Variants in DPY19L3 observed in about 807,000 individuals in gnomAD.
DPY19L3 encodes protein C-mannosyl-transferase DPY19L3.
A neutral mutation model predicts 92.3 loss-of-function variants in DPY19L3; 51 were observed. The observed-to-expected ratio is 0.55, with a 90% confidence interval of 0.44 to 0.70. The LOEUF (loss-of-function observed/expected upper bound fraction) is 0.70, where lower values mean the gene tolerates loss of function less well. Ranked by LOEUF, DPY19L3 falls within the 30% of genes least tolerant of loss-of-function variation. DPY19L3 has a pLI of 0.00. For synonymous variants in DPY19L3, 309 were observed against 315.2 expected (o/e 0.98, Z 0.21); for missense variants, 706 against 855.9 (o/e 0.82, Z 2.18).
rs1009422011 is a variant in DPY19L3, at chr19:32,460,117, A to T, written c.1322+1608A>T. 3.9e-5 allele frequency among the ~76,000 whole-genome samples: 6 copies of T among 152,170 alleles called. 1 individual carries two copies. The highest frequency in any genetic ancestry group is 6.5e-5 in the Admixed American group (1 of 15,280). On this transcript the variant is annotated intron_variant, in intron 12 of 18. Coordinates refer to ENST00000392250, the MANE Select transcript of DPY19L3 (RefSeq NM_001172774.2). ...TATCTAAACATAGAATAGGTACAGT[A>T]AAAATATAAAGGCCAGGTATGGTGG... is the stretch of plus-strand genomic sequence containing the variant.
chr19:32,416,664 C>T (rs75309484), intron 3 of DPY19L3, among the ~76,000 whole-genome samples: 14,357 of 152,222 alleles, frequency 0.094, 1,049 homozygotes, highest in East Asian at 0.3. Flanking sequence ...GCCAAGTCTT[C>T]GAGGGTCCCA....
intron 12 of DPY19L3, among the ~76,000 whole-genome samples, chr19:32,459,287 T>C (rs1255156408): frequency 1.3e-5 from 2 of 152,084 alleles, no homozygotes; most frequent in Non-Finnish European, 2.9e-5. Context: ...GAAAGAAAAT[T>C]AAGTGTAAGA....
chr19:32,424,509 A>T (rs1437457399), intron 3 of DPY19L3, among the ~76,000 whole-genome samples: 1 of 151,898 alleles, frequency 6.6e-6, no homozygotes, highest in Non-Finnish European at 1.5e-5. Context: ...CACACAGCTT[A>T]CACCCAGCTG....
rs536657514 is a variant in DPY19L3 at position 32,482,273 on chromosome 19, C to A, written c.*33C>A. ...TTCTGCCCAGTGTCTATTTTTGATA[C>A]GGAGAAACTGCATCATGATGAAACT... On this transcript the variant is annotated 3_prime_UTR_variant, in exon 19 of 19. Transcript: ENST00000392250. 3.8e-6 allele frequency: 6 copies of A among 1,594,340 alleles called. No individual in the cohort carries two copies. The South Asian group carries it at 6.9e-5, about 18-fold the overall frequency.
intron 1 of DPY19L3, among the ~76,000 whole-genome samples, chr19:32,407,342 A>G (rs563349016): frequency 7.6e-6 from 1 of 132,374 alleles, no homozygotes; most frequent in South Asian, 2.5e-4. Context: ...AGTCATCACC[A>G]CTGAGGCGTA....
intron 3 of DPY19L3, among the ~76,000 whole-genome samples, chr19:32,427,062 C>T (rs1398076421): frequency 3.9e-5 from 6 of 152,088 alleles, no homozygotes; most frequent in Admixed American, 1.3e-4. Context: ...GGTGCGATCT[C>T]GGCTCACTGT....
At chr19:32,448,384 CAG>C (rs1969587405) in intron 8 of DPY19L3, among the ~76,000 whole-genome samples, 1 of 152,178 alleles carries the variant, frequency 6.6e-6, no homozygotes, top group Non-Finnish European at 1.5e-5. Context: ...TTAAACAACA[CAG>C]GGGCTACTGG....
At chr19:32,481,281 G>A (rs529435389) in intron 18 of DPY19L3, 1 of 152,564 alleles carries the variant, frequency 6.6e-6, no homozygotes, top group African/African-American at 2.4e-5. Context: ...AATCTTGACT[G>A]TACAGAATTT....
intron 17 of DPY19L3, among the ~76,000 whole-genome samples, chr19:32,479,773 G>A (rs1434765034): frequency 6.6e-6 from 1 of 152,228 alleles, no homozygotes; most frequent in African/African-American, 2.4e-5. Context: ...ACGTGAAGGG[G>A]GCCTCCTGTG....
At chr19:32,425,280 T>A (rs768316152) in intron 3 of DPY19L3, among the ~76,000 whole-genome samples, 2 of 152,168 alleles carry the variant, frequency 1.3e-5, no homozygotes, top group Non-Finnish European at 2.9e-5. Context: ...GACCAGGTGC[T>A]GTGGCTCATG....
chr19:32,468,565 T>G, intron 15 of DPY19L3, 166 bp from the exon 16 acceptor site: 1 of 1,266,436 alleles, frequency 7.9e-7, no homozygotes. Flanking sequence ...CTAGTTCCCT[T>G]GTATTAGGAG....
At position 32,407,273 on chromosome 19, in the gene DPY19L3, C is replaced by CCG. The variant is rs1555714173; in HGVS notation, c.-37-943_-37-942insGC. Among the ~76,000 whole-genome samples, 40 of 100,424 alleles carry CCG rather than the reference C, an allele frequency of 4.0e-4. 1 individual carries two copies. The East Asian group carries it at 9.9e-3, about 25-fold the overall frequency. 65.9% of individuals were successfully genotyped at this position (100,424 alleles called of 152,430 possible). A position where few individuals can be genotyped will look rare whatever the true frequency, so the allele number is the denominator to read the frequency against. On this transcript the variant is annotated intron_variant, in intron 1 of 18. Coordinates refer to ENST00000392250, the MANE Select transcript of DPY19L3 (RefSeq NM_001172774.2). ...CAAACCAGGCTCCTGCTCCCCCCCA[C>CCG]CCATTACTCCCACCGACGCTCCCTG...
In DPY19L3 at chr19:32,454,928, T is replaced by A; in HGVS notation, c.988-11T>A. ...ACTTAAGAATTAAAACATAACTCTTTTAATTTCTAGAAAAATCTGAAAACT... is the reference window on the plus strand; with the variant it reads ...ACTTAAGAATTAAAACATAACTCTTATAATTTCTAGAAAAATCTGAAAACT... On this transcript the variant is annotated splice_polypyrimidine_tract_variant and intron_variant, in intron 9 of 18. Coordinates refer to ENST00000392250, the MANE Select transcript of DPY19L3 (RefSeq NM_001172774.2). The A allele has an allele frequency of 6.7e-7, 1 of 1,498,274 alleles. No individual in the cohort carries two copies. The highest frequency in any genetic ancestry group is 1.2e-5 in the South Asian group (1 of 80,534). 92.8% of individuals were successfully genotyped at this position (1,498,274 alleles called of 1,614,324 possible). A position where few individuals can be genotyped will look rare whatever the true frequency, so the allele number is the denominator to read the frequency against.
rs761181727 is a variant in DPY19L3 at position 32,437,380 on chromosome 19, A to G, written c.596+41A>G. ...TATGCTTCTTTTTTTTCCAAAATGT[A>G]AGTAAAAATGAAGTCACTTCATTTC... On this transcript the variant is annotated intron_variant, in intron 6 of 18. Coordinates refer to ENST00000392250, the MANE Select transcript of DPY19L3 (RefSeq NM_001172774.2). 5.2e-5 allele frequency: 82 copies of G among 1,574,872 alleles called. 2 individuals carry two copies. The South Asian group carries it at 8.8e-4, about 17-fold the overall frequency.
chr19:32,460,713 G>A (rs935330350), intron 12 of DPY19L3, among the ~76,000 whole-genome samples: 13 of 152,172 alleles, frequency 8.5e-5, no homozygotes, highest in African/African-American at 3.1e-4. Context: ...TGTGCGATCT[G>A]TTGTTGGCCA....
chr19:32,406,594 C>T (rs1967960357), intron 1 of DPY19L3, among the ~76,000 whole-genome samples: 1 of 152,130 alleles, frequency 6.6e-6, no homozygotes, highest in Non-Finnish European at 1.5e-5. Flanking sequence ...TGAAGTCATC[C>T]TCCTGCCTCA....
intron 3 of DPY19L3, among the ~76,000 whole-genome samples, chr19:32,427,514 C>G (rs1285123952): frequency 6.6e-6 from 1 of 152,100 alleles, no homozygotes; most frequent in Admixed American, 6.5e-5. Flanking sequence ...CATGTCTTCC[C>G]ATTGAATACT....
chr19:32,428,299 G>T (rs999910903), intron 3 of DPY19L3, among the ~76,000 whole-genome samples: 9 of 152,000 alleles, frequency 5.9e-5, no homozygotes, highest in Non-Finnish European at 1.2e-4. Flanking sequence ...TACGTGAGTT[G>T]TTCTTGTTTT....
rs567289181 is a variant in DPY19L3, at chr19:32,485,654, C to G, written c.*3414C>G. On this transcript the variant is annotated 3_prime_UTR_variant, in exon 19 of 19. Coordinates refer to ENST00000392250, the MANE Select transcript of DPY19L3 (RefSeq NM_001172774.2). ...AATCTCAAAATCAATTAAGTATTCTCAGATCCTATATCTTGGTTAATATGC... is the reference window on the plus strand; with the variant it reads ...AATCTCAAAATCAATTAAGTATTCTGAGATCCTATATCTTGGTTAATATGC... The G allele has an allele frequency of 2.0e-4, 31 of 152,286 alleles. No individual in the cohort carries two copies. Among genetic ancestry groups the G allele is most frequent in the African/African-American group, 6.3e-4 (26 of 41,556 alleles). The allele number at this position is 152,286 out of a possible 1,614,324, so 9.4% of individuals were successfully genotyped here. A position where few individuals can be genotyped will look rare whatever the true frequency, so the allele number is the denominator to read the frequency against.
Sources: allele counts gnomAD v4.1 joint callset (sites outside exome capture counted in the v4.1 genomes callset), GRCh38; gene constraint gnomAD v4.1.1; transcripts MANE v1.5; gene names NCBI Gene and HGNC (gene_info 2026-07-23, HGNC 2026-07-21).